Variants in ERBB4 observed in about 807,000 individuals in gnomAD.
ERBB4 encodes the protein receptor tyrosine-protein kinase erbB-4.
ERBB4 carries 42 observed loss-of-function variants against 158.0 expected under a neutral mutation model. That is an observed-to-expected ratio of 0.27 (90% CI 0.21 to 0.34). ERBB4 has a LOEUF of 0.34. Ranked by LOEUF, ERBB4 falls within the 10% of genes least tolerant of loss-of-function variation. ERBB4 has a pLI of 1.00. For synonymous variants in ERBB4, 583 were observed against 558.7 expected (o/e 1.04, Z -0.61); for missense variants, 1,333 against 1,624.1 (o/e 0.82, Z 3.08).
chr2:211,879,676 T>G (rs73989224), intron 3 of ERBB4, among the ~76,000 whole-genome samples: 6,958 of 152,212 alleles, frequency 0.046, 457 homozygotes, highest in African/African-American at 0.15. Flanking sequence ...AAAGGGAAAA[T>G]GTAGCTGACA....
At chr2:211,479,443 T>C (rs76591710) in intron 20 of ERBB4, among the ~76,000 whole-genome samples, 2,340 of 152,282 alleles carry the variant, frequency 0.015, 68 homozygotes, top group African/African-American at 0.053. Context: ...CATGTAGTCA[T>C]GTGGTAAAAT....
chr2:212,236,187 T>A (rs1559812284), intron 1 of ERBB4, among the ~76,000 whole-genome samples: 1 of 152,196 alleles, frequency 6.6e-6, no homozygotes, highest in East Asian at 1.9e-4. Flanking sequence ...GGGTGTTGAA[T>A]TTTATAGGAG....
intron 20 of ERBB4, among the ~76,000 whole-genome samples, chr2:211,501,371 A>G (rs115467925): frequency 0.024 from 3,635 of 151,948 alleles, 137 homozygotes; most frequent in African/African-American, 0.082. Flanking sequence ...ACACAAATAA[A>G]TGATAAATGT....
intron 20 of ERBB4, among the ~76,000 whole-genome samples, chr2:211,448,954 T>C (rs1347842621): frequency 1.3e-5 from 2 of 152,140 alleles, no homozygotes; most frequent in African/African-American, 4.8e-5. Flanking sequence ...TCAATATATT[T>C]CAGTGTTCTC....
At chr2:211,978,016 C>G (rs2081666966) in intron 2 of ERBB4, among the ~76,000 whole-genome samples, 1 of 150,478 alleles carries the variant, frequency 6.6e-6, no homozygotes, top group Non-Finnish European at 1.5e-5. Context: ...AAATATTCAT[C>G]TTGCTGCATC....
chr2:211,897,320 A>G (rs1489217537), intron 3 of ERBB4, among the ~76,000 whole-genome samples: 2 of 151,980 alleles, frequency 1.3e-5, no homozygotes, highest in African/African-American at 4.8e-5. Context: ...TTCTGCCAGA[A>G]GTTTACAGAT....
At chr2:212,344,476 A>ATGTGTG (rs58499972) in intron 1 of ERBB4, among the ~76,000 whole-genome samples, 1 of 121,416 alleles carries the variant, frequency 8.2e-6, no homozygotes, top group African/African-American at 3.0e-5. Context: ...GTGTGTATAT[A>ATGTGTG]TGTGTGTGTG....
intron 2 of ERBB4, among the ~76,000 whole-genome samples, chr2:212,122,878 A>G (rs1352411551): frequency 1.3e-5 from 2 of 152,158 alleles, no homozygotes; most frequent in Admixed American, 6.5e-5. Flanking sequence ...AGTTCCACGT[A>G]CAGAAAAGTA....
intron 3 of ERBB4, among the ~76,000 whole-genome samples, chr2:211,903,229 T>C (rs1382442279): frequency 6.6e-6 from 1 of 152,074 alleles, no homozygotes. Context: ...TTAACCAATA[T>C]GTGATGAATT....
At chr2:212,225,954 G>A (rs1226766003) in intron 1 of ERBB4, among the ~76,000 whole-genome samples, 2 of 152,086 alleles carry the variant, frequency 1.3e-5, no homozygotes, top group Non-Finnish European at 2.9e-5. Flanking sequence ...CTGTTTGGAA[G>A]ATATTTTGCA....
chr2:211,573,397 G>A lies in ERBB4; in HGVS notation c.2302-11309C>T, dbSNP rs568588159. 9.8e-4 allele frequency among the ~76,000 whole-genome samples: 149 copies of A among 152,226 alleles called. 2 individuals are homozygous for A. The highest frequency in any genetic ancestry group is 8.5e-3 in the Admixed American group (130 of 15,282). ...TTAAATTGTTTCAGAAGCACCAGGT[G>A]CGGTGGCTCACACCTGTAATCCCAG... is the stretch of plus-strand genomic sequence containing the variant. On this transcript the variant is annotated intron_variant, in intron 19 of 27. Transcript: ENST00000342788.
At chr2:212,411,949 G>C (rs1054496014) in intron 1 of ERBB4, among the ~76,000 whole-genome samples, 1 of 151,994 alleles carries the variant, frequency 6.6e-6, no homozygotes, top group African/African-American at 2.4e-5. Flanking sequence ...TGGTCTATGG[G>C]AAAGACTTCT....
intron 20 of ERBB4, among the ~76,000 whole-genome samples, chr2:211,524,903 G>A (rs187207615): frequency 8.5e-5 from 13 of 152,278 alleles, no homozygotes; most frequent in Non-Finnish European, 1.5e-4. Context: ...GAGAGCGAGC[G>A]AGGGCTGTAA....
chr2:212,323,828 A>G (rs960976401), intron 1 of ERBB4, among the ~76,000 whole-genome samples: 6 of 149,886 alleles, frequency 4.0e-5, no homozygotes, highest in African/African-American at 1.5e-4. Context: ...TGCAGATTGA[A>G]AACATTAATA....
intron 20 of ERBB4, among the ~76,000 whole-genome samples, chr2:211,555,812 T>A (rs1398731953): frequency 6.6e-6 from 1 of 152,136 alleles, no homozygotes; most frequent in Non-Finnish European, 1.5e-5. Flanking sequence ...TTACAAGAGC[T>A]CCTGAAGGAG....
chr2:211,960,052 A>G (rs555828916), intron 2 of ERBB4, among the ~76,000 whole-genome samples: 1 of 152,254 alleles, frequency 6.6e-6, no homozygotes, highest in Admixed American at 6.5e-5. Context: ...AGGAACAGAC[A>G]ATTGCCTAAG....
chr2:211,426,263 A>C (rs1207484296), intron 22 of ERBB4, among the ~76,000 whole-genome samples: 8 of 152,216 alleles, frequency 5.3e-5, no homozygotes, highest in African/African-American at 1.9e-4. Context: ...AGGAAAGCTA[A>C]AACAAAACAT....
chr2:211,671,391 G>A (rs561248010), intron 14 of ERBB4, among the ~76,000 whole-genome samples: 31 of 152,124 alleles, frequency 2.0e-4, no homozygotes, highest in Admixed American at 3.3e-4. Context: ...TTAAAGCCTT[G>A]CTCAAACTAA....
intron 16 of ERBB4, among the ~76,000 whole-genome samples, chr2:211,647,735 A>G (rs2070827269): frequency 6.6e-6 from 1 of 151,726 alleles, no homozygotes; most frequent in South Asian, 2.1e-4. Flanking sequence ...ACTTATTCCA[A>G]TAGTTTTAGC....
Sources: allele counts gnomAD v4.1 joint callset (sites outside exome capture counted in the v4.1 genomes callset), GRCh38; gene constraint gnomAD v4.1.1; transcripts MANE v1.5; gene names NCBI Gene and HGNC (gene_info 2026-07-23, HGNC 2026-07-21).